ADAMTS16: variants seen among roughly 807,000 people sequenced by gnomAD.
ADAMTS16 encodes A disintegrin and metalloproteinase with thrombospondin motifs 16.
In ADAMTS16, 94 loss-of-function variants were observed where a neutral mutation model predicts 145.8. The observed-to-expected ratio is 0.64, with a 90% CI of 0.55 to 0.77. The LOEUF (loss-of-function observed/expected upper bound fraction) is 0.77. Among genes scored for constraint, ADAMTS16 ranks in the 30% least tolerant of loss-of-function variants. The probability of loss-of-function intolerance (pLI) is 0.00; values close to 1 mark genes in which losing one functional copy is unlikely to be tolerated. For missense variants in ADAMTS16, 1,585 were observed against 1,591.5 expected (o/e 1.00, Z 0.07); for synonymous variants, 659 against 604.3 (o/e 1.09, Z -1.33).
intron 3 of ADAMTS16, among the ~76,000 whole-genome samples, chr5:5,153,346 G>A (rs968339008): frequency 1.7e-4 from 26 of 152,100 alleles, no homozygotes; most frequent in Admixed American, 1.1e-3. Context: ...TTCAAGAGTC[G>A]TTTATCATTC....
At chr5:5,286,883 A>AATG (rs60221321) in intron 18 of ADAMTS16, among the ~76,000 whole-genome samples, 2 of 122,610 alleles carry the variant, frequency 1.6e-5, no homozygotes, top group African/African-American at 6.0e-5. Flanking sequence ...AAAAAAAAAA[A>AATG]GAGTTTTTAT....
intron 10 of ADAMTS16, among the ~76,000 whole-genome samples, chr5:5,222,141 T>C (rs1736624176): frequency 1.3e-5 from 2 of 152,180 alleles, no homozygotes; most frequent in Non-Finnish European, 2.9e-5. Context: ...ATCTTTTTCA[T>C]TGGGGCATCT....
At position 5,319,127 on chromosome 5, in the gene ADAMTS16, T is replaced by A; in HGVS notation, c.3664T>A (p.Ser1222Thr). 1 of 1,610,526 alleles carries A rather than the reference T, an allele frequency of 6.2e-7. No individual in the cohort carries two copies. Among genetic ancestry groups the A allele is most frequent in the Non-Finnish European group, 8.5e-7 (1 of 1,178,616 alleles). ...GKQCCKTCSKSNL is the reference protein window; with the variant it reads ...GKQCCKTCSKTNL ...GCAGTGCTGCAAGACTTGCTCTAAG[T>A]CCAACTTGTGAGTTGGGACCGCTCT... Residue 1222 changes from serine to threonine, a missense_variant, in exon 23 of 23, where the codon TCC becomes ACC. Ser to Thr is a moderately conservative substitution (Grantham distance 58). This residue lies in a region of ADAMTS16 where 834 missense variants were observed against 811.7 expected (regional missense o/e 1.03). Transcript: ENST00000274181.
At chr5:5,292,648 C>T (rs1419985482) in intron 18 of ADAMTS16, among the ~76,000 whole-genome samples, 1 of 152,150 alleles carries the variant, frequency 6.6e-6, no homozygotes, top group Non-Finnish European at 1.5e-5. Context: ...GTCGTGTGGC[C>T]TCCGTGACCC....
chr5:5,187,560 C>T (rs922910188), intron 5 of ADAMTS16, among the ~76,000 whole-genome samples, 165 bp from the exon 6 acceptor site: 2 of 152,190 alleles, frequency 1.3e-5, no homozygotes, highest in African/African-American at 2.4e-5. Flanking sequence ...GCTGAAGCTT[C>T]GGCTTTTTAC....
chr5:5,167,695 T>C (rs1734919994), intron 3 of ADAMTS16, among the ~76,000 whole-genome samples: 2 of 152,342 alleles, frequency 1.3e-5, no homozygotes, highest in East Asian at 3.9e-4. Flanking sequence ...CGAATTAGCC[T>C]TAAGTAAGCT....
chr5:5,307,099 C>T (rs1224008688), intron 21 of ADAMTS16, among the ~76,000 whole-genome samples: 2 of 152,190 alleles, frequency 1.3e-5, no homozygotes, highest in African/African-American at 4.8e-5. Flanking sequence ...AGCCCACCCT[C>T]AGCCCTCACT....
intron 18 of ADAMTS16, among the ~76,000 whole-genome samples, chr5:5,295,810 G>A (rs1739505463): frequency 6.6e-6 from 1 of 152,192 alleles, no homozygotes; most frequent in Non-Finnish European, 1.5e-5. Flanking sequence ...AAAGCCGAAG[G>A]GTCTCGCACA....
chr5:5,268,957 C>T (rs1250905007), intron 18 of ADAMTS16, among the ~76,000 whole-genome samples: 1 of 152,176 alleles, frequency 6.6e-6, no homozygotes. Context: ...CAGACTCGCA[C>T]AAAGGGAACC....
rs186713750 is a variant in ADAMTS16, at chr5:5,255,267, C to T, written c.2663-7390C>T. Reference sequence around the variant, plus strand: ...AGTCAATGTATCAGTGACAGTTTCACCAAAAAAATAGAAACCTTTCTAGGT... The same window carrying T: ...AGTCAATGTATCAGTGACAGTTTCATCAAAAAAATAGAAACCTTTCTAGGT... On this transcript the variant is annotated intron_variant, in intron 17 of 22. Transcript: ENST00000274181. Among the ~76,000 whole-genome samples the T allele has an allele frequency of 6.4e-3, 971 of 151,862 alleles. 4 individuals carry two copies. The highest frequency in any genetic ancestry group is 0.011 in the Admixed American group (174 of 15,260).
At chr5:5,186,304 GTGTGTGTGTGT>G (rs1735498305) in intron 5 of ADAMTS16, 53 bp downstream of exon 5, 23 of 1,082,176 alleles carry the variant, frequency 2.1e-5, no homozygotes, top group South Asian at 2.9e-5. Flanking sequence ...TTCGTAGGGT[GTGTGTGTGTGT>G]GTGTGTGTGT....
At chr5:5,293,713 G>A (rs1739420138) in intron 18 of ADAMTS16, among the ~76,000 whole-genome samples, 1 of 152,328 alleles carries the variant, frequency 6.6e-6, no homozygotes, top group South Asian at 2.1e-4. Flanking sequence ...TGCTGAGGCA[G>A]GGGCCACATA....
chr5:5,207,416 T>C (rs555440478), intron 9 of ADAMTS16, among the ~76,000 whole-genome samples: 96 of 152,336 alleles, frequency 6.3e-4, no homozygotes, highest in African/African-American at 2.2e-3. Flanking sequence ...CCGTAACTTA[T>C]TAGTTCCAGG....
intron 21 of ADAMTS16, among the ~76,000 whole-genome samples, chr5:5,316,990 T>C (rs569010884): frequency 7.9e-5 from 12 of 152,258 alleles, no homozygotes; most frequent in African/African-American, 2.6e-4. Flanking sequence ...CTTCTATCCA[T>C]ACCTAGATTA....
chr5:5,272,951 T>G (rs184918554), intron 18 of ADAMTS16, among the ~76,000 whole-genome samples: 9 of 152,292 alleles, frequency 5.9e-5, no homozygotes, highest in Middle Eastern at 3.4e-3. Flanking sequence ...GAGAGCCAGT[T>G]TTACTCAACT....
chr5:5,255,048 G>C (rs1178388890), intron 17 of ADAMTS16, among the ~76,000 whole-genome samples: 1 of 152,072 alleles, frequency 6.6e-6, no homozygotes, highest in African/African-American at 2.4e-5. Context: ...GGACTACTTA[G>C]ATTGTTTATC....
chr5:5,181,961 C>A, intron 3 of ADAMTS16, 83 bp from the exon 4 acceptor site: 1 of 1,434,764 alleles, frequency 7.0e-7, no homozygotes, highest in South Asian at 1.4e-5. Context: ...AGAATAATAA[C>A]AAATGCAATG....
At chr5:5,151,678 TTGTGTGTGTGTGTGTGTGTGTGTGTG>T (rs60381485) in intron 3 of ADAMTS16, among the ~76,000 whole-genome samples, 2 of 139,586 alleles carry the variant, frequency 1.4e-5, no homozygotes, top group Non-Finnish European at 3.2e-5. Flanking sequence ...ATAGTTCCCT[TTGTGTGTGTGTGTGTGTGTGTGTGTG>T]TGTGTGTGTG....
intron 22 of ADAMTS16, 130 bp from the exon 23 acceptor site, chr5:5,318,892 TG>T: frequency 1.5e-6 from 1 of 666,634 alleles, no homozygotes; most frequent in Non-Finnish European, 2.6e-6. Context: ...CCATCAGACC[TG>T]GGGGCTGCCT....
Sources: allele counts gnomAD v4.1 joint callset (sites outside exome capture counted in the v4.1 genomes callset), GRCh38; gene constraint gnomAD v4.1.1; regional missense constraint gnomAD v4.1.1; transcripts MANE v1.5; gene names NCBI Gene and HGNC (gene_info 2026-07-23, HGNC 2026-07-21).